RIMS1: variants seen among roughly 807,000 people sequenced by gnomAD.
RIMS1 encodes the protein regulating synaptic membrane exocytosis 1, also known as regulating synaptic membrane exocytosis protein 1.
RIMS1 carries 83 observed loss-of-function variants against 214.1 expected under a neutral mutation model. The ratio of observed to expected loss-of-function variants is 0.39; its 90% CI spans 0.32 to 0.47. RIMS1 has a LOEUF of 0.47. Among genes scored for constraint, RIMS1 ranks in the 20% least tolerant of loss-of-function variants. The pLI is 0.99. For missense variants in RIMS1, 2,050 were observed against 2,161.8 expected, an observed-to-expected ratio of 0.95 and a Z score of 1.03; for synonymous variants, 793 against 786.8, an observed-to-expected ratio of 1.01 and a Z score of -0.13.
Position 72,179,903 on chromosome 6 carries a change from CT to C in RIMS1, c.801del (p.Pro268LeufsTer19). On this transcript the variant is annotated frameshift_variant, in exon 5 of 34. Transcript: ENST00000521978. LOFTEE classifies it high-confidence loss of function. ...GCTTCATCCAGGTCTAGAAGTGAACCTCCTAGAGAGAGGTAATAGTTCTTTC... is the reference window on the plus strand; with the variant it reads ...GCTTCATCCAGGTCTAGAAGTGAACCCCTAGAGAGAGGTAATAGTTCTTTC... ...KQASSRSRSE[P>X]PRERKKTPGL... The C allele has an allele frequency of 6.6e-7, 1 of 1,513,456 alleles. No homozygotes were observed. 93.8% of individuals were successfully genotyped at this position (1,513,456 alleles called of 1,614,324 possible).
intron 1 of RIMS1, among the ~76,000 whole-genome samples, chr6:71,914,419 ACAGT>A (rs1306223132): frequency 1.3e-5 from 2 of 152,052 alleles, no homozygotes; most frequent in African/African-American, 4.8e-5. Flanking sequence ...AACAAATAAC[ACAGT>A]CAGAAATTTC....
At chr6:72,091,128 T>C (rs1586746097) in intron 2 of RIMS1, among the ~76,000 whole-genome samples, 2 of 152,342 alleles carry the variant, frequency 1.3e-5, no homozygotes, top group East Asian at 3.9e-4. Flanking sequence ...AATCCTCCTG[T>C]TGGAAGTCCT....
intron 27 of RIMS1, 49 bp from the exon 28 acceptor site, chr6:72,313,457 T>C: frequency 6.4e-7 from 1 of 1,558,756 alleles, no homozygotes; most frequent in Non-Finnish European, 8.8e-7. Flanking sequence ...TCTATGTTTT[T>C]TCCATTGTCT....
intron 8 of RIMS1, 58 bp from the exon 9 acceptor site, chr6:72,237,765 C>T (rs1426115824): frequency 4.1e-6 from 5 of 1,224,644 alleles, no homozygotes; most frequent in Admixed American, 3.5e-5. Context: ...ATTCCTCAAA[C>T]TAATAAGCTT....
At chr6:71,906,174 A>C (rs1431399946) in intron 1 of RIMS1, among the ~76,000 whole-genome samples, 2 of 152,182 alleles carry the variant, frequency 1.3e-5, no homozygotes, top group East Asian at 3.9e-4. Context: ...TGTCTTAAAC[A>C]ATGGCTTCTA....
At chr6:71,892,388 T>C (rs963272783) in intron 1 of RIMS1, among the ~76,000 whole-genome samples, 3 of 152,224 alleles carry the variant, frequency 2.0e-5, no homozygotes, top group African/African-American at 7.2e-5. Flanking sequence ...GGCATCTTCC[T>C]GACCCTTTGC....
At chr6:72,156,265 A>C (rs1219304706) in intron 4 of RIMS1, among the ~76,000 whole-genome samples, 2 of 141,202 alleles carry the variant, frequency 1.4e-5, no homozygotes, top group African/African-American at 4.9e-5. Context: ...AAAAACATAC[A>C]ATGTAATATT....
At chr6:71,924,013 C>T (rs546971276) in intron 1 of RIMS1, among the ~76,000 whole-genome samples, 7 of 152,316 alleles carry the variant, frequency 4.6e-5, no homozygotes, top group African/African-American at 1.7e-4. Flanking sequence ...TCTTAGTAAA[C>T]TATCTTTCCT....
intron 6 of RIMS1, 142 bp from the exon 7 acceptor site, chr6:72,233,631 A>G: frequency 4.6e-6 from 3 of 648,090 alleles, no homozygotes; most frequent in Non-Finnish European, 8.5e-6. Context: ...CAACCTTTGC[A>G]ACACAGGTGT....
chr6:72,139,011 T>G (rs1026680165), intron 4 of RIMS1, among the ~76,000 whole-genome samples: 4 of 152,226 alleles, frequency 2.6e-5, no homozygotes, highest in African/African-American at 9.6e-5. Flanking sequence ...TAAATTAAAA[T>G]TCCTATAAAC....
intron 29 of RIMS1, among the ~76,000 whole-genome samples, chr6:72,366,423 C>T (rs2098021466): frequency 6.6e-6 from 1 of 152,148 alleles, no homozygotes; most frequent in South Asian, 2.1e-4. Context: ...ATTGGAGAAG[C>T]TATATTATAT....
chr6:71,970,757 T>C (rs1411853280), intron 2 of RIMS1, among the ~76,000 whole-genome samples: 1 of 152,204 alleles, frequency 6.6e-6, no homozygotes, highest in Non-Finnish European at 1.5e-5. Flanking sequence ...AATAATGAAC[T>C]TCTCTGCCAG....
chr6:72,228,860 A>G (rs2061091168), intron 6 of RIMS1, among the ~76,000 whole-genome samples: 1 of 151,896 alleles, frequency 6.6e-6, no homozygotes, highest in Non-Finnish European at 1.5e-5. Flanking sequence ...CCTAACAGGT[A>G]TGAGGTGCTT....
intron 1 of RIMS1, among the ~76,000 whole-genome samples, chr6:71,923,182 AAC>A (rs1407470917): frequency 1.3e-5 from 2 of 152,178 alleles, no homozygotes; most frequent in African/African-American, 4.8e-5. Flanking sequence ...CTATATTTAA[AAC>A]AGTTTCTAAA....
At chr6:72,203,988 G>C (rs1213354568) in intron 6 of RIMS1, among the ~76,000 whole-genome samples, 2 of 152,130 alleles carry the variant, frequency 1.3e-5, no homozygotes, top group Non-Finnish European at 2.9e-5. Flanking sequence ...AGACACATTT[G>C]ACTGGGAAAG....
At chr6:72,131,772 C>T (rs2040479863) in intron 4 of RIMS1, among the ~76,000 whole-genome samples, 1 of 152,110 alleles carries the variant, frequency 6.6e-6, no homozygotes, top group South Asian at 2.1e-4. Flanking sequence ...CCTAATAAGC[C>T]TGGGAGCACT....
chr6:72,086,904 G>A (rs1834794982), intron 2 of RIMS1, among the ~76,000 whole-genome samples: 1 of 152,190 alleles, frequency 6.6e-6, no homozygotes, highest in South Asian at 2.1e-4. Context: ...ACCATCGGCA[G>A]GAAGCCTAGT....
chr6:72,041,851 T>G (rs539611295), intron 2 of RIMS1, among the ~76,000 whole-genome samples: 214 of 152,076 alleles, frequency 1.4e-3, no homozygotes, highest in African/African-American at 4.9e-3. Flanking sequence ...CTTCTTATTT[T>G]ATTTAACAGT....
At chr6:71,917,913 G>A (rs1449888976) in intron 1 of RIMS1, among the ~76,000 whole-genome samples, 1 of 152,272 alleles carries the variant, frequency 6.6e-6, no homozygotes, top group East Asian at 1.9e-4. Flanking sequence ...TGGGCATCTG[G>A]ATGACTAAGG....
Sources: gnomAD v4.1 joint callset for allele counts (sites outside exome capture counted in the v4.1 genomes callset) on GRCh38, gnomAD v4.1.1 for gene constraint, MANE v1.5 for transcripts, NCBI Gene and HGNC (gene_info 2026-07-23, HGNC 2026-07-21) for gene names.